The following CMTM4 variants were observed in gnomAD, a reference collection of about 807,000 sequenced individuals.
CMTM4 encodes the protein CKLF like MARVEL transmembrane domain containing 4.
A neutral mutation model predicts 19.0 loss-of-function variants in CMTM4; 8 were observed. The observed-to-expected ratio is 0.42, with a 90% confidence interval of 0.25 to 0.76. The LOEUF is 0.76. Ranked by LOEUF, CMTM4 falls within the 30% of genes least tolerant of loss-of-function variation. The pLI, the probability that CMTM4 is intolerant of heterozygous loss-of-function variation, is 0.27. For missense variants in CMTM4, 228 were observed against 290.2 expected (o/e 0.79, Z 1.56); for synonymous variants, 106 against 121.1 (o/e 0.88, Z 0.82).
chr16:66,658,649 C>A (rs2016445946), intron 1 of CMTM4, among the ~76,000 whole-genome samples: 1 of 152,174 alleles, frequency 6.6e-6, no homozygotes, highest in African/African-American at 2.4e-5. Flanking sequence ...GACCGGATCA[C>A]TTTTCATTGT....
At chr16:66,689,702 T>C (rs1232607273) in intron 1 of CMTM4, among the ~76,000 whole-genome samples, 1 of 152,194 alleles carries the variant, frequency 6.6e-6, no homozygotes, top group Non-Finnish European at 1.5e-5. Context: ...CCACTGTGCC[T>C]GGCCTGTTAT....
intron 2 of CMTM4, among the ~76,000 whole-genome samples, chr16:66,635,127 A>C (rs139185843): frequency 1.3e-3 from 204 of 152,230 alleles, no homozygotes; most frequent in African/African-American, 4.7e-3. Flanking sequence ...AAGTTCTCTT[A>C]AACAGTCTAC....
intron 1 of CMTM4, among the ~76,000 whole-genome samples, chr16:66,692,253 C>A (rs1340191772): frequency 6.6e-6 from 1 of 152,064 alleles, no homozygotes; most frequent in Non-Finnish European, 1.5e-5. Context: ...ATATGCCTGG[C>A]TAATTTTTTG....
chr16:66,642,182 G>C (rs578059702), intron 1 of CMTM4, among the ~76,000 whole-genome samples: 1 of 152,276 alleles, frequency 6.6e-6, no homozygotes, highest in African/African-American at 2.4e-5. Context: ...GAAGGGCTCA[G>C]ATAAAGTGAT....
chr16:66,625,006 T>C, intron 2 of CMTM4, among the ~76,000 whole-genome samples: 1 of 151,438 alleles, frequency 6.6e-6, no homozygotes, highest in East Asian at 2.0e-4. Context: ...AAAAAAAGAA[T>C]ATAAAATATA....
At chr16:66,609,871 C>T (rs184814295), downstream of CMTM4, 2 of 1,614,184 alleles carry the variant, frequency 1.2e-6, no homozygotes, top group Non-Finnish European at 1.7e-6. This position sits in a 1 kb window ranked among gnomAD's most constrained non-coding sequence, Gnocchi z 4.4. Flanking sequence ...ATCCCATCCA[C>T]CCTGTCCACA....
chr16:66,646,276 G>A (rs184050399), intron 1 of CMTM4, among the ~76,000 whole-genome samples: 119 of 152,206 alleles, frequency 7.8e-4, no homozygotes, highest in African/African-American at 2.8e-3. Flanking sequence ...GGATTAGGTG[G>A]GGAACAGGGG....
chr16:66,670,903 C>A (rs559406944), intron 1 of CMTM4, among the ~76,000 whole-genome samples: 1 of 152,036 alleles, frequency 6.6e-6, no homozygotes, highest in African/African-American at 2.4e-5. Flanking sequence ...TACAAGTATG[C>A]GCATGGGAAC....
intron 1 of CMTM4, among the ~76,000 whole-genome samples, chr16:66,680,424 A>G (rs1448233025): frequency 6.7e-6 from 1 of 149,906 alleles, no homozygotes; most frequent in Non-Finnish European, 1.5e-5. Context: ...GGCTGCAGTG[A>G]GCCGAGATCA....
rs777358804 is a variant in CMTM4, at chr16:66,649,444, TTCTC to T, written c.187-12867_187-12864del. On this transcript the variant is annotated intron_variant, in intron 1 of 3. Transcript: ENST00000394106. ...GCTTTTTTCTTTTGGTCTTGATTCC[TTCTC>T]TCTATCTATCCATCTATCTATCTAT... 2.8e-4 allele frequency among the ~76,000 whole-genome samples: 37 copies of T among 133,966 alleles called. 1 individual carries two copies. The highest frequency in any genetic ancestry group is 7.2e-4 in the South Asian group (3 of 4,186). The allele number at this position is 133,966 out of a possible 152,430, so 87.9% of individuals were successfully genotyped here. A position where few individuals can be genotyped will look rare whatever the true frequency, so the allele number is the denominator to read the frequency against.
intron 1 of CMTM4, among the ~76,000 whole-genome samples, chr16:66,683,496 T>C (rs1397013781): frequency 6.6e-6 from 1 of 151,322 alleles, no homozygotes; most frequent in Non-Finnish European, 1.5e-5. Context: ...TTTCACCATG[T>C]TAGCCAGGAT....
chr16:66,674,704 GA>G (rs369201927), intron 1 of CMTM4, among the ~76,000 whole-genome samples: 9 of 150,160 alleles, frequency 6.0e-5, no homozygotes, highest in African/African-American at 1.7e-4. Context: ...CCTCACAGAG[GA>G]CCAAGTGCTG....
chr16:66,656,801 C>T (rs553635545), intron 1 of CMTM4, among the ~76,000 whole-genome samples: 1 of 152,072 alleles, frequency 6.6e-6, no homozygotes, highest in Admixed American at 6.6e-5. Context: ...GTGGTGTTCC[C>T]GACACTACCA....
chr16:66,682,020 C>T (rs937400906), intron 1 of CMTM4, among the ~76,000 whole-genome samples: 1 of 152,174 alleles, frequency 6.6e-6, no homozygotes, highest in Non-Finnish European at 1.5e-5. Context: ...AGGCCTCTAT[C>T]ACAGCCCCTG....
intron 1 of CMTM4, among the ~76,000 whole-genome samples, chr16:66,676,050 C>CT (rs1440032818): frequency 2.6e-5 from 4 of 152,070 alleles, no homozygotes; most frequent in African/African-American, 9.7e-5. Flanking sequence ...AAATCACACT[C>CT]TAACGGGAAT....
chr16:66,617,099 T>A lies in CMTM4; in HGVS notation c.*4959A>T. The A allele has an allele frequency of 1.5e-5, 8 of 547,126 alleles. No homozygotes were observed. In the South Asian group the frequency reaches 2.3e-4, roughly 15 times the overall value. The allele number at this position is 547,126 out of a possible 1,614,324, so 33.9% of individuals were successfully genotyped here. On this transcript the variant is annotated 3_prime_UTR_variant, in exon 4 of 4. Transcript: ENST00000394106. ...AAAAGTTTCAATAGCTCCCTGGGGG[T>A]CCAAGCCAAAGGCTCCCTGGCCTTT...
intron 1 of CMTM4, among the ~76,000 whole-genome samples, chr16:66,686,360 G>A (rs1195094987): frequency 3.3e-5 from 5 of 151,058 alleles, no homozygotes; most frequent in African/African-American, 1.2e-4. Flanking sequence ...TCAGGAGTTC[G>A]AGACCAGCCT....
intron 1 of CMTM4, among the ~76,000 whole-genome samples, chr16:66,690,175 A>G (rs2017109533): frequency 2.0e-5 from 3 of 152,352 alleles, no homozygotes. Context: ...TCCAACATAG[A>G]GAAACCCACT....
intron 1 of CMTM4, among the ~76,000 whole-genome samples, chr16:66,641,380 G>A (rs963774625): frequency 1.3e-5 from 2 of 152,124 alleles, no homozygotes; most frequent in Non-Finnish European, 2.9e-5. Flanking sequence ...AATTAGTTAT[G>A]CAGCAATAAA....
Sources: gnomAD v4.1 joint callset for allele counts (sites outside exome capture counted in the v4.1 genomes callset) on GRCh38, gnomAD v4.1.1 for gene constraint, Gnocchi (gnomAD v3.1) non-coding constraint, MANE v1.5 for transcripts, NCBI Gene and HGNC (gene_info 2026-07-23, HGNC 2026-07-21) for gene names.